Variants in DNAH17 observed in about 807,000 individuals in gnomAD.
DNAH17 encodes dynein axonemal heavy chain 17, also known as axonemal beta dynein heavy chain 17.
DNAH17 carries 376 observed loss-of-function variants against 485.6 expected under a neutral mutation model. The observed-to-expected ratio is 0.77, with a 90% CI of 0.71 to 0.84. DNAH17 has a LOEUF of 0.84. Among genes scored for constraint, DNAH17 ranks in the 40% least tolerant of loss-of-function variants. DNAH17 has a pLI of 0.00. For missense variants in DNAH17, 6,370 were observed against 5,839.3 expected (o/e 1.09, Z -2.96); for synonymous variants, 3,031 against 2,405.9 (o/e 1.26, Z -7.60).
rs9896398 is a variant in DNAH17, at chr17:78,507,511, T to C, written c.4531A>G (p.Thr1511Ala). The C allele has an allele frequency of 0.61, 979,287 of 1,613,342 alleles. 301,130 individuals carry two copies. The highest frequency in any genetic ancestry group is 0.74 in the African/African-American group (55,175 of 74,982). The change falls in exon 28 of 81, where the codon ACC becomes GCC. Residue 1511 changes from threonine to alanine, a missense_variant. Physicochemically the swap from Thr to Ala is moderately conservative, Grantham distance 58. Coordinates refer to ENST00000389840, the MANE Select transcript of DNAH17 (RefSeq NM_173628.4). ...CGCTGGGAGTCCCCCGGGAGCTGGG[T>C]GCGGATGTCTTCGGAGCCGATGAAG... ...SIFIGSEDIR[T>A]QLPGDSQRFD...
chr17:78,540,143 G>C (rs1055520543), intron 17 of DNAH17, among the ~76,000 whole-genome samples: 1 of 151,912 alleles, frequency 6.6e-6, no homozygotes, highest in African/African-American at 2.4e-5. Flanking sequence ...TCCATCTCTA[G>C]TTGGGTTTCC....
intron 48 of DNAH17, among the ~76,000 whole-genome samples, chr17:78,481,704 A>G (rs1281981069): frequency 3.3e-5 from 5 of 152,182 alleles, no homozygotes; most frequent in Non-Finnish European, 7.3e-5. Flanking sequence ...ATAATTATTA[A>G]TGGCTGCTAT....
chr17:78,491,547 C>T lies in DNAH17; in HGVS notation c.6565G>A (p.Asp2189Asn), dbSNP rs914368152. Residue 2189 changes from aspartate to asparagine, a missense_variant, in exon 43 of 81, where the codon GAC becomes AAC. Physicochemically the swap from Asp to Asn is conservative, Grantham distance 23. Coordinates refer to ENST00000389840, the MANE Select transcript of DNAH17 (RefSeq NM_173628.4). ...CCGTCATGGGTGATGTTGGCCAGGT[C>T]TCGCATGATGGTGGAGAACAGGCCT... is the stretch of plus-strand genomic sequence containing the variant. The part of the protein sequence containing the change: ...KDGLFSTIMR[D>N]LANITHDGPK... The T allele has an allele frequency of 1.2e-6, 2 of 1,613,918 alleles. No homozygotes were observed. The highest frequency in any genetic ancestry group is 1.3e-5 in the African/African-American group (1 of 74,932).
rs372252396 is a variant in DNAH17 at position 78,453,324 on chromosome 17, G to A, written c.10529+19C>T. 90 of 1,611,220 alleles carry A rather than the reference G, an allele frequency of 5.6e-5. No individual in the cohort carries two copies. Among genetic ancestry groups the A allele is most frequent in the African/African-American group, 2.1e-4 (16 of 75,020 alleles). ...AAGATGTTTACCTGGCTCAAGCCAC[G>A]GAGGCGGAAACAACTCACTTTCCCT... On this transcript the variant is annotated intron_variant, in intron 65 of 80. Transcript: ENST00000389840.
rs761528219 is a variant in DNAH17 at position 78,514,805 on chromosome 17, C to T, written c.4082G>A (p.Arg1361His). Residue 1361 changes from arginine (R) to histidine (H), a missense_variant, in exon 26 of 81, where the codon CGC becomes CAC. Coordinates refer to ENST00000389840, the MANE Select transcript of DNAH17 (RefSeq NM_173628.4). ...GGCCTGCATGAGCTGCTGCCAGTGG[C>T]GTTCCCGAATGGCAGGGTTCTGCAG... ...SELQNPAIRE[R>H]HWQQLMQATQ... 37 of 1,613,872 alleles carry T rather than the reference C, an allele frequency of 2.3e-5. No individual in the cohort carries two copies. In the South Asian group the frequency reaches 2.9e-4, roughly 12 times the overall value.
intron 54 of DNAH17, among the ~76,000 whole-genome samples, chr17:78,472,234 G>GT (rs2088785510): frequency 6.6e-6 from 1 of 151,250 alleles, no homozygotes; most frequent in Admixed American, 6.6e-5. Flanking sequence ...AGACATTAGG[G>GT]TTATGGAGTA....
chr17:78,528,289 T>C (rs2091132201), intron 22 of DNAH17, among the ~76,000 whole-genome samples: 1 of 152,180 alleles, frequency 6.6e-6, no homozygotes, highest in South Asian at 2.1e-4. Context: ...ACACAGGGTC[T>C]TGGCTCTGTC....
At chr17:78,460,686 G>A (rs2088074428) in intron 58 of DNAH17, among the ~76,000 whole-genome samples, 1 of 152,164 alleles carries the variant, frequency 6.6e-6, no homozygotes, top group African/African-American at 2.4e-5. Context: ...GTGGGATTCT[G>A]GAATGGGAAC....
intron 36 of DNAH17, chr17:78,500,085 G>A (rs2090221270): frequency 3.7e-6 from 2 of 533,638 alleles, no homozygotes; most frequent in South Asian, 2.4e-5. Flanking sequence ...GGCTGGGGCA[G>A]GACATTTGGG....
intron 3 of DNAH17, 112 bp downstream of exon 3, chr17:78,572,589 A>G (rs1428453344): frequency 4.0e-6 from 4 of 1,005,216 alleles, no homozygotes; most frequent in Non-Finnish European, 5.6e-6. Context: ...ATGTGAAGCC[A>G]CTCTGCAGGG....
At chr17:78,571,835 C>T (rs1448487524) in intron 3 of DNAH17, 53 bp from the exon 4 acceptor site, 2 of 1,489,852 alleles carry the variant, frequency 1.3e-6, no homozygotes, top group Non-Finnish European at 1.8e-6. Context: ...CACGTGGGTC[C>T]CACCAAGCTC....
At chr17:78,439,054 G>A in intron 73 of DNAH17, 36 bp downstream of exon 73, 4 of 1,604,464 alleles carry the variant, frequency 2.5e-6, no homozygotes, top group Non-Finnish European at 3.4e-6. Context: ...CCTCAGTGCG[G>A]GGAGCCCTTA....
At position 78,491,390 on chromosome 17, in the gene DNAH17, C is replaced by T. The variant is rs374427909; in HGVS notation, c.6669+53G>A. ...TCCGTAGGCGCCTCCCTGTGAGCCCCCGTTGTCCCTGCCTTGGGTGGCCTT... is the reference window on the plus strand; with the variant it reads ...TCCGTAGGCGCCTCCCTGTGAGCCCTCGTTGTCCCTGCCTTGGGTGGCCTT... On this transcript the variant is annotated intron_variant, in intron 43 of 80. Coordinates refer to ENST00000389840, the MANE Select transcript of DNAH17 (RefSeq NM_173628.4). The T allele has an allele frequency of 1.9e-4, 300 of 1,592,280 alleles. No individual in the cohort carries two copies. The African/African-American group carries it at 3.6e-3, about 19-fold the overall frequency.
chr17:78,448,302 C>T (rs192220201), intron 69 of DNAH17, among the ~76,000 whole-genome samples: 149 of 151,722 alleles, frequency 9.8e-4, no homozygotes, highest in Admixed American at 3.4e-3. Context: ...AGTTCAAGAC[C>T]GGCCTGGGCA....
Position 78,521,657 on chromosome 17 carries a change from A to G in DNAH17, c.3864+3352T>C, listed in dbSNP as rs148319399. 3.7e-3 allele frequency among the ~76,000 whole-genome samples: 563 copies of G among 152,244 alleles called. 12 individuals carry two copies. The highest frequency in any genetic ancestry group is 5.4e-3 in the East Asian group (28 of 5,176). ...ATGAAAGGAAAAATTGATAAAATGG[A>G]TTATACCCAAGTTTCATATTAAAAA... On this transcript the variant is annotated intron_variant, in intron 25 of 80. Coordinates refer to ENST00000389840, the MANE Select transcript of DNAH17 (RefSeq NM_173628.4).
In DNAH17 at chr17:78,501,304, C is replaced by T. The variant is rs371167564; in HGVS notation, c.5363G>A (p.Arg1788Gln). Reference sequence around the variant, plus strand: ...TCGCTTCTCTTCGTCCCAGCGATGCCGGAGCTGGGCCTGCCAGGTGAAGGC... The same window carrying T: ...TCGCTTCTCTTCGTCCCAGCGATGCTGGAGCTGGGCCTGCCAGGTGAAGGC... ...SQAFTWQAQL[R>Q]HRWDEEKRHC... Residue 1788 changes from arginine (R) to glutamine (Q), a missense_variant, in exon 35 of 81, where the codon CGG becomes CAG. Transcript: ENST00000389840. The T allele has an allele frequency of 1.4e-5, 22 of 1,605,176 alleles. No homozygotes were observed. The highest frequency in any genetic ancestry group is 2.7e-5 in the African/African-American group (2 of 74,818).
intron 2 of DNAH17, 116 bp downstream of exon 2, chr17:78,574,597 C>T (rs1331247813): frequency 4.5e-6 from 4 of 894,512 alleles, no homozygotes; most frequent in African/African-American, 1.7e-5. Context: ...CCAATCCCTC[C>T]CCGGCTCTGC....
At position 78,537,317 on chromosome 17, in the gene DNAH17, C is replaced by T; in HGVS notation, c.2841G>A (p.Lys947=). Residue 947 remains lysine (K), a synonymous_variant, in exon 19 of 81, where the codon AAG becomes AAA. Coordinates refer to ENST00000389840, the MANE Select transcript of DNAH17 (RefSeq NM_173628.4). ...NVARLIPRLA[K]DRMNYKMDLE... is the part of the protein sequence containing the mutation. ...GACTGACCTTGTAGTTCATCCTGTC[C>T]TTGGCCAGCCGAGGGATGAGCCTGG... 6.4e-7 allele frequency: 1 copy of T among 1,572,938 alleles called. No individual in the cohort carries two copies. Among genetic ancestry groups the T allele is most frequent in the Non-Finnish European group, 8.6e-7 (1 of 1,159,322 alleles).
At chr17:78,544,921 A>G (rs921969335) in intron 16 of DNAH17, among the ~76,000 whole-genome samples, 3 of 151,842 alleles carry the variant, frequency 2.0e-5, no homozygotes, top group African/African-American at 7.3e-5. Flanking sequence ...AGTGATACAT[A>G]TATGGTAACA....
Sources: gnomAD v4.1 joint callset for allele counts (sites outside exome capture counted in the v4.1 genomes callset) on GRCh38, gnomAD v4.1.1 for gene constraint, MANE v1.5 for transcripts, NCBI Gene and HGNC (gene_info 2026-07-23, HGNC 2026-07-21) for gene names.